Variants in WNK2 observed in about 807,000 individuals in gnomAD.
WNK2 encodes WNK lysine deficient protein kinase 2.
In WNK2, 67 loss-of-function variants were observed where a neutral mutation model predicts 192.1. The ratio of observed to expected loss-of-function variants is 0.35; its 90% CI spans 0.29 to 0.43. The LOEUF is 0.43. WNK2 is among the 20% of genes least tolerant of loss of function. WNK2 has a pLI of 1.00. For missense variants in WNK2, 2,698 were observed against 3,089.7 expected, an observed-to-expected ratio of 0.87 and a Z score of 3.01; for synonymous variants, 1,439 against 1,393.9, an observed-to-expected ratio of 1.03 and a Z score of -0.72.
rs561647411 is a variant in WNK2, at chr9:93,208,522, G to C, written c.682-21174G>C. 1.2e-3 allele frequency among the ~76,000 whole-genome samples: 183 copies of C among 152,236 alleles called. 1 individual carries two copies. Among genetic ancestry groups the C allele is most frequent in the African/African-American group, 3.6e-3 (151 of 41,546 alleles). On this transcript the variant is annotated intron_variant, in intron 2 of 29. Coordinates refer to ENST00000427277, the MANE Select transcript of WNK2 (RefSeq NM_006648.4). ...TGTGTTCTCCACGTGTACATGTTAT[G>C]TGTATTCTGTGTGTGTGCATGTGCT...
intron 23 of WNK2, among the ~76,000 whole-genome samples, chr9:93,293,960 C>T (rs1309385813): frequency 6.6e-6 from 1 of 152,132 alleles, no homozygotes; most frequent in Non-Finnish European, 1.5e-5. Flanking sequence ...CTCTCCCACC[C>T]TCCTTCTTTC....
chr9:93,313,906 T>C (rs1854119792), intron 28 of WNK2, among the ~76,000 whole-genome samples: 1 of 152,010 alleles, frequency 6.6e-6, no homozygotes. Flanking sequence ...GGCAGGTGGA[T>C]TGATTGAGTC....
At chr9:93,240,322 C>T (rs1285579724) in intron 7 of WNK2, among the ~76,000 whole-genome samples, 8 of 152,222 alleles carry the variant, frequency 5.3e-5, no homozygotes. Flanking sequence ...TTGCCGGACT[C>T]TTGCTGACTT....
intron 4 of WNK2, 83 bp from the exon 5 acceptor site, chr9:93,234,725 A>G: frequency 2.0e-6 from 3 of 1,505,450 alleles, no homozygotes; most frequent in Non-Finnish European, 2.7e-6. Context: ...GGTTCTGGGC[A>G]GCCAAAGCTC....
At chr9:93,243,260 T>G (rs1004137397) in intron 7 of WNK2, among the ~76,000 whole-genome samples, 1 of 152,122 alleles carries the variant, frequency 6.6e-6, no homozygotes, top group Non-Finnish European at 1.5e-5. Flanking sequence ...AGACTGCGAC[T>G]CCTCCCTGCT....
At chr9:93,194,107 T>C (rs2131057417) in intron 2 of WNK2, among the ~76,000 whole-genome samples, 1 of 152,328 alleles carries the variant, frequency 6.6e-6, no homozygotes, top group East Asian at 1.9e-4. Context: ...AAAAATAAAA[T>C]TGGCCATATG....
intron 2 of WNK2, among the ~76,000 whole-genome samples, chr9:93,216,829 A>G (rs1020295098): frequency 6.1e-5 from 9 of 147,742 alleles, no homozygotes; most frequent in Non-Finnish European, 7.5e-5. Context: ...ACAACAACAA[A>G]CAAACAAACA....
chr9:93,190,130 A>G (rs1830067064), intron 2 of WNK2, among the ~76,000 whole-genome samples: 1 of 152,142 alleles, frequency 6.6e-6, no homozygotes, highest in African/African-American at 2.4e-5. Flanking sequence ...CATGCTGACC[A>G]TGGTTTTGGT....
intron 24 of WNK2, 24 bp from the exon 25 acceptor site, chr9:93,299,046 G>T: frequency 1.2e-6 from 2 of 1,600,144 alleles, no homozygotes; most frequent in Non-Finnish European, 1.7e-6. Context: ...CATCGTGCCT[G>T]TCGCCTCTTC....
intron 19 of WNK2, among the ~76,000 whole-genome samples, chr9:93,279,943 A>T (rs1847474125): frequency 6.6e-6 from 1 of 152,238 alleles, no homozygotes; most frequent in African/African-American, 2.4e-5. Flanking sequence ...ACTGAAAACT[A>T]TGAAACTTAT....
intron 2 of WNK2, among the ~76,000 whole-genome samples, chr9:93,222,564 G>T (rs958525236): frequency 6.6e-6 from 1 of 152,144 alleles, no homozygotes; most frequent in Non-Finnish European, 1.5e-5. Context: ...ACAGGTCACC[G>T]GCGTCAGGGT....
intron 15 of WNK2, 49 bp from the exon 16 acceptor site, chr9:93,263,868 G>C (rs1844743045): frequency 6.7e-7 from 1 of 1,487,554 alleles, no homozygotes; most frequent in Admixed American, 2.0e-5. Flanking sequence ...GGTGTGGCGG[G>C]TGCACGTGTG....
intron 28 of WNK2, among the ~76,000 whole-genome samples, chr9:93,311,142 G>A (rs1241996749): frequency 1.3e-5 from 2 of 152,124 alleles, no homozygotes; most frequent in African/African-American, 4.8e-5. Context: ...GTACCTCATA[G>A]AGTGGAATCA....
At chr9:93,317,792 A>G in intron 29 of WNK2, 161 bp downstream of exon 29, 1 of 1,481,804 alleles carries the variant, frequency 6.7e-7, no homozygotes, top group Non-Finnish European at 9.0e-7. Flanking sequence ...CCGTGCTGCC[A>G]GTCTTCTTGC....
intron 2 of WNK2, among the ~76,000 whole-genome samples, chr9:93,204,227 CTG>C (rs1433745743): frequency 6.6e-6 from 1 of 152,142 alleles, no homozygotes; most frequent in African/African-American, 2.4e-5. Context: ...TCACAGCTGT[CTG>C]TGAGGTGCTG....
At chr9:93,231,199 G>C in intron 4 of WNK2, 91 bp downstream of exon 4, 1 of 1,285,290 alleles carries the variant, frequency 7.8e-7, no homozygotes, top group East Asian at 2.3e-5. Context: ...GTTCAGACCT[G>C]GTGCAGGAGA....
intron 28 of WNK2, among the ~76,000 whole-genome samples, chr9:93,310,271 AAC>A (rs886286057): frequency 6.6e-6 from 1 of 152,166 alleles, no homozygotes; most frequent in Non-Finnish European, 1.5e-5. Flanking sequence ...AGGACTCCTG[AAC>A]ATGGTCCCAC....
intron 19 of WNK2, chr9:93,269,080 G>T (rs1004344625): frequency 1.2e-6 from 1 of 825,450 alleles, no homozygotes; most frequent in Non-Finnish European, 1.9e-6. Context: ...CCTTTCCTCT[G>T]TGCCGCACAC....
At position 93,213,206 on chromosome 9, in the gene WNK2, A is replaced by T. The variant is rs1436484103; in HGVS notation, c.682-16490A>T. Among the ~76,000 whole-genome samples, 3 of 152,122 alleles carry T rather than the reference A, an allele frequency of 2.0e-5. No individual in the cohort carries two copies. In the East Asian group the frequency reaches 5.8e-4, roughly 29 times the overall value. ...CTTCTGCAATGGGCACATCCTGGGA[A>T]CCCCGGGCTCTGAAGCTGGACAGTT... On this transcript the variant is annotated intron_variant, in intron 2 of 29. Transcript: ENST00000427277.
Sources: allele counts gnomAD v4.1 joint callset (sites outside exome capture counted in the v4.1 genomes callset), GRCh38; gene constraint gnomAD v4.1.1; transcripts MANE v1.5; gene names NCBI Gene and HGNC (gene_info 2026-07-23, HGNC 2026-07-21).